Variants in KCNH8 observed in about 807,000 individuals in gnomAD.
KCNH8 encodes voltage-gated delayed rectifier potassium channel KCNH8.
In KCNH8, 70 loss-of-function variants were observed where a neutral mutation model predicts 103.6. That is an observed-to-expected ratio of 0.68 (90% confidence interval 0.56 to 0.82). The LOEUF (loss-of-function observed/expected upper bound fraction) is 0.82, where lower values mean the gene tolerates loss of function less well. Ranked by LOEUF, KCNH8 falls within the 40% of genes least tolerant of loss-of-function variation. The pLI is 0.00. For synonymous variants in KCNH8, 498 were observed against 489.4 expected (o/e 1.02, Z -0.23); for missense variants, 1,217 against 1,329.9 (o/e 0.92, Z 1.32).
chr3:19,272,494 G>T (rs938154597), intron 2 of KCNH8, among the ~76,000 whole-genome samples: 1 of 152,018 alleles, frequency 6.6e-6, no homozygotes, highest in South Asian at 2.1e-4. Flanking sequence ...GTGAGGCAGG[G>T]TTGCTAAGAC....
At chr3:19,284,117 A>G (rs1312388808) in intron 3 of KCNH8, among the ~76,000 whole-genome samples, 1 of 152,130 alleles carries the variant, frequency 6.6e-6, no homozygotes, top group Non-Finnish European at 1.5e-5. Flanking sequence ...GTCACCATGT[A>G]ACTGTAGCAG....
intron 3 of KCNH8, among the ~76,000 whole-genome samples, chr3:19,308,773 CCTCTCTCTCTCTCCCTCTCTCT>C (rs2065171719): frequency 3.9e-5 from 1 of 25,924 alleles, no homozygotes; most frequent in Non-Finnish European, 6.8e-5. Context: ...TCTCTCCCTC[CCTCTCTCTCTCTCCCTCTCTCT>C]CTCTCCCTTT....
At chr3:19,271,257 C>T (rs1254804135) in intron 2 of KCNH8, among the ~76,000 whole-genome samples, 1 of 152,120 alleles carries the variant, frequency 6.6e-6, no homozygotes, top group Non-Finnish European at 1.5e-5. Context: ...GTTTACTGAA[C>T]CACTCTGAAC....
intron 3 of KCNH8, among the ~76,000 whole-genome samples, chr3:19,341,042 C>A (rs2065652875): frequency 6.6e-6 from 1 of 152,136 alleles, no homozygotes. Flanking sequence ...GTGTTTTACA[C>A]ATTGGAATGG....
chr3:19,278,443 AAGGC>A (rs1174230142), intron 2 of KCNH8, among the ~76,000 whole-genome samples: 52 of 133,706 alleles, frequency 3.9e-4, no homozygotes, highest in African/African-American at 1.3e-3. Context: ...TGGAGGGAGA[AAGGC>A]AGGCAGGAAG....
chr3:19,351,482 A>G (rs1010347694), intron 5 of KCNH8, among the ~76,000 whole-genome samples: 2 of 152,188 alleles, frequency 1.3e-5, no homozygotes, highest in Middle Eastern at 3.2e-3. Context: ...AGGCAACCAG[A>G]GAGAAAGGTC....
chr3:19,285,360 T>G (rs1419189877), intron 3 of KCNH8, among the ~76,000 whole-genome samples: 1 of 152,136 alleles, frequency 6.6e-6, no homozygotes, highest in Non-Finnish European at 1.5e-5. Context: ...AAATTTTGGC[T>G]GTTAGTCCTT....
chr3:19,376,304 C>T (rs1205592311), intron 5 of KCNH8, among the ~76,000 whole-genome samples: 9 of 152,168 alleles, frequency 5.9e-5, no homozygotes, highest in South Asian at 2.1e-4. Flanking sequence ...TCTCGTGGTG[C>T]GCCATTTTTG....
intron 8 of KCNH8, among the ~76,000 whole-genome samples, chr3:19,443,428 G>A (rs1224700516): frequency 6.7e-6 from 1 of 150,194 alleles, no homozygotes; most frequent in Non-Finnish European, 1.5e-5. Context: ...ATACACATAT[G>A]TGTGTGTATA....
intron 2 of KCNH8, among the ~76,000 whole-genome samples, chr3:19,267,777 T>A (rs1306873312): frequency 2.0e-5 from 3 of 152,088 alleles, no homozygotes; most frequent in African/African-American, 7.2e-5. Context: ...ACTCTCAGAG[T>A]CTACATTCAT....
Position 19,156,936 on chromosome 3 carries a change from G to T in KCNH8, c.76+8141G>T, listed in dbSNP as rs547956223. ...GAACTTGCAGGAAGAAGTAAGGGTAGTTAGCCCTCCAACTCTCAAGTCTAT... is the reference window on the plus strand; with the variant it reads ...GAACTTGCAGGAAGAAGTAAGGGTATTTAGCCCTCCAACTCTCAAGTCTAT... On this transcript the variant is annotated intron_variant, in intron 1 of 15. Transcript: ENST00000328405. 1.3e-4 allele frequency among the ~76,000 whole-genome samples: 19 copies of T among 149,700 alleles called. No individual in the cohort carries two copies. In the East Asian group the frequency reaches 2.6e-3, roughly 20 times the overall value.
intron 7 of KCNH8, among the ~76,000 whole-genome samples, chr3:19,419,188 G>GTTTTCTTT (rs1299734245): frequency 1.3e-5 from 1 of 75,880 alleles, no homozygotes; most frequent in African/African-American, 4.6e-5. Flanking sequence ...TAATTAAAAT[G>GTTTTCTTT]GTTTTGGTTT....
Position 19,534,043 on chromosome 3 carries a change from C to A in KCNH8, c.3268C>A (p.Leu1090Met). The change falls in exon 16 of 16, where the codon CTG (leucine) becomes ATG (methionine). Residue 1090 changes from leucine (L) to methionine (M), a missense_variant. Physicochemically the swap from Leu to Met is conservative, Grantham distance 15. Around this residue, in one of 3 missense-constraint regions of KCNH8, gnomAD observed 558 missense variants for 495.8 expected, o/e 1.13. Transcript: ENST00000328405. ...TACAAAACCTTTGGAGAACCTTCCACTGGAAGTTGTCACAAGCACAGCAGA... is the reference window on the plus strand; with the variant it reads ...TACAAAACCTTTGGAGAACCTTCCAATGGAAGTTGTCACAAGCACAGCAGA... ...ASTKPLENLP[L>M]EVVTSTAEVK... 6.2e-7 allele frequency: 1 copy of A among 1,614,148 alleles called. No individual in the cohort carries two copies.
intron 5 of KCNH8, among the ~76,000 whole-genome samples, chr3:19,362,815 C>A (rs539655743): frequency 6.6e-6 from 1 of 152,070 alleles, no homozygotes; most frequent in Non-Finnish European, 1.5e-5. Context: ...TGTGCCATCA[C>A]GCCTGGCTAA....
At chr3:19,428,684 G>A (rs2067065635) in intron 7 of KCNH8, among the ~76,000 whole-genome samples, 1 of 152,162 alleles carries the variant, frequency 6.6e-6, no homozygotes, top group South Asian at 2.1e-4. Context: ...TTAGTGAGAA[G>A]AAGACTGACA....
chr3:19,526,244 G>A (rs1425554101), intron 15 of KCNH8, among the ~76,000 whole-genome samples: 1 of 151,828 alleles, frequency 6.6e-6, no homozygotes, highest in Non-Finnish European at 1.5e-5. Flanking sequence ...TTCAAGCTAA[G>A]AAGATTATGT....
chr3:19,323,676 T>C (rs914224915), intron 3 of KCNH8, among the ~76,000 whole-genome samples: 4 of 152,120 alleles, frequency 2.6e-5, no homozygotes, highest in Admixed American at 6.5e-5. Flanking sequence ...TGTTCAGATT[T>C]TTTTGTCCCA....
In KCNH8 at chr3:19,275,112, T is replaced by G. The variant is rs112331721; in HGVS notation, c.311-6086T>G. 4.4e-3 allele frequency among the ~76,000 whole-genome samples: 670 copies of G among 151,320 alleles called. 19 individuals carry two copies. The East Asian group carries it at 0.085, about 19-fold the overall frequency. On this transcript the variant is annotated intron_variant, in intron 2 of 15. Coordinates refer to ENST00000328405, the MANE Select transcript of KCNH8 (RefSeq NM_144633.3). ...CTGGAGTTGACAGAATCCTACTATA[T>G]ATTTCTTCATGCTTATTCTAGAAAA...
At chr3:19,206,913 A>C (rs1402724527) in intron 1 of KCNH8, among the ~76,000 whole-genome samples, 1 of 152,056 alleles carries the variant, frequency 6.6e-6, no homozygotes, top group Non-Finnish European at 1.5e-5. Flanking sequence ...GAAGAAGAGA[A>C]AGAGCAAGAC....
Sources: gnomAD v4.1 joint callset for allele counts (sites outside exome capture counted in the v4.1 genomes callset) on GRCh38, gnomAD v4.1.1 for gene constraint, gnomAD v4.1.1 regional missense constraint, MANE v1.5 for transcripts, NCBI Gene and HGNC (gene_info 2026-07-23, HGNC 2026-07-21) for gene names.